GRIK4: variants seen among roughly 807,000 people sequenced by gnomAD.
GRIK4 encodes the protein glutamate receptor ionotropic, kainate 4.
Under a neutral mutation model 104.9 loss-of-function variants are expected in GRIK4, and 40 were observed. The observed-to-expected ratio is 0.38, with a 90% CI of 0.30 to 0.50. The LOEUF is 0.50. Ranked by LOEUF, GRIK4 falls within the 20% of genes least tolerant of loss-of-function variation. The probability of loss-of-function intolerance (pLI) is 0.93; values close to 1 mark genes in which losing one functional copy is unlikely to be tolerated. For synonymous variants in GRIK4, 485 were observed against 524.9 expected, an observed-to-expected ratio of 0.92 and a Z score of 1.04; for missense variants, 1,047 against 1,308.1, an observed-to-expected ratio of 0.80 and a Z score of 3.08.
Position 120,954,823 on chromosome 11 carries a change from ACACACACAAAC to A in GRIK4, c.1700+1860_1700+1870del, listed in dbSNP as rs1288067796. On this transcript the variant is annotated intron_variant, in intron 15 of 20. Transcript: ENST00000527524. ...CACACACACACACACACACACACAC[ACACACACAAAC>A]AATACTGGAGTCTAGGGTATTCTGT... Among the ~76,000 whole-genome samples, 9 of 52,374 alleles carry A rather than the reference ACACACACAAAC, an allele frequency of 1.7e-4. No homozygotes were observed. In the East Asian group the frequency reaches 2.4e-3, roughly 14 times the overall value. 34.4% of individuals were successfully genotyped at this position (52,374 alleles called of 152,430 possible).
intron 12 of GRIK4, among the ~76,000 whole-genome samples, chr11:120,901,702 A>G (rs1281968708): frequency 6.6e-6 from 1 of 152,060 alleles, no homozygotes. Context: ...TGGGAGGGAG[A>G]TGGGGAAGTG....
intron 1 of GRIK4, among the ~76,000 whole-genome samples, chr11:120,582,943 A>C (rs1948608588): frequency 6.6e-6 from 1 of 152,260 alleles, no homozygotes; most frequent in Non-Finnish European, 1.5e-5. Flanking sequence ...ACTGGTTTCC[A>C]CAATGGCTGA....
chr11:120,736,434 G>A (rs1951221658), intron 3 of GRIK4, among the ~76,000 whole-genome samples: 1 of 107,454 alleles, frequency 9.3e-6, no homozygotes, highest in African/African-American at 3.7e-5. Flanking sequence ...ACTTCGACTG[G>A]TGTCTACCTA....
chr11:120,537,059 G>C (rs1947985180), intron 1 of GRIK4, among the ~76,000 whole-genome samples: 3 of 152,170 alleles, frequency 2.0e-5, no homozygotes, highest in African/African-American at 7.2e-5. Flanking sequence ...CAGTTCTTTC[G>C]GAAGAGAGCT....
chr11:120,638,740 G>A (rs1358464497), intron 1 of GRIK4, among the ~76,000 whole-genome samples: 1 of 151,774 alleles, frequency 6.6e-6, no homozygotes, highest in African/African-American at 2.4e-5. Context: ...GCCTCCCAAA[G>A]TGCTGGGATT....
At chr11:120,806,964 G>A (rs1243170541) in intron 4 of GRIK4, among the ~76,000 whole-genome samples, 1 of 152,092 alleles carries the variant, frequency 6.6e-6, no homozygotes, top group Non-Finnish European at 1.5e-5. Context: ...CATATAATGG[G>A]TTTATTTAAA....
At chr11:120,675,102 G>T (rs10892599) in intron 3 of GRIK4, among the ~76,000 whole-genome samples, 23,656 of 152,306 alleles carry the variant, frequency 0.16, 2,000 homozygotes, top group South Asian at 0.23. Flanking sequence ...GAAATAAGTG[G>T]AGTTGGTGGA....
intron 13 of GRIK4, among the ~76,000 whole-genome samples, chr11:120,910,811 C>G (rs1942974609): frequency 6.6e-6 from 1 of 152,174 alleles, no homozygotes; most frequent in Non-Finnish European, 1.5e-5. Flanking sequence ...AGACAGAATA[C>G]TGGAGAAGGG....
At chr11:120,826,798 A>G (rs1057187267) in intron 6 of GRIK4, among the ~76,000 whole-genome samples, 1 of 152,074 alleles carries the variant, frequency 6.6e-6, no homozygotes, top group Non-Finnish European at 1.5e-5. Flanking sequence ...GGATGGGACA[A>G]ATTTGGGATG....
At chr11:120,816,438 C>CA (rs1464984608) in intron 5 of GRIK4, among the ~76,000 whole-genome samples, 1 of 152,174 alleles carries the variant, frequency 6.6e-6, no homozygotes, top group Non-Finnish European at 1.5e-5. Flanking sequence ...GAGGAAGGCT[C>CA]AGTCTCGCTT....
chr11:120,747,276 G>A (rs1951459119), intron 3 of GRIK4, among the ~76,000 whole-genome samples: 1 of 152,136 alleles, frequency 6.6e-6, no homozygotes, highest in Non-Finnish European at 1.5e-5. Context: ...TTAATCCGCT[G>A]GTCTTTAGTT....
At chr11:120,860,679 C>A (rs1386036094) in intron 8 of GRIK4, among the ~76,000 whole-genome samples, 2 of 152,216 alleles carry the variant, frequency 1.3e-5, no homozygotes, top group Non-Finnish European at 2.9e-5. Flanking sequence ...TCATCCATAT[C>A]CTCCATGCCT....
Position 120,713,874 on chromosome 11 carries a change from A to G in GRIK4, c.82+53474A>G, listed in dbSNP as rs567265569. ...CAATTCTCCATTTTACAGAGGGGGA[A>G]ATTGAGTCGAGAGTGGATTTGCTGC... is the stretch of plus-strand genomic sequence containing the variant. On this transcript the variant is annotated intron_variant, in intron 3 of 20. Transcript: ENST00000527524. 6.6e-5 allele frequency among the ~76,000 whole-genome samples: 10 copies of G among 152,306 alleles called. No individual in the cohort carries two copies. In the East Asian group the frequency reaches 1.7e-3, roughly 26 times the overall value.
At chr11:120,904,086 T>G (rs1942810892) in intron 12 of GRIK4, among the ~76,000 whole-genome samples, 1 of 151,682 alleles carries the variant, frequency 6.6e-6, no homozygotes, top group South Asian at 2.1e-4. Context: ...CCCCAGGGCC[T>G]CTTCTTCTTC....
At chr11:120,824,432 C>T (rs1034613302) in intron 6 of GRIK4, among the ~76,000 whole-genome samples, 23 of 152,056 alleles carry the variant, frequency 1.5e-4, no homozygotes, top group African/African-American at 5.1e-4. Context: ...AGCCCTGCCG[C>T]GGATCTACCT....
At chr11:120,771,480 G>T (rs1339764141) in intron 3 of GRIK4, among the ~76,000 whole-genome samples, 1 of 152,214 alleles carries the variant, frequency 6.6e-6, no homozygotes, top group African/African-American at 2.4e-5. Context: ...GCTTATGAGT[G>T]CTTATAGTGA....
chr11:120,512,444 C>G (rs1372535471), intron 1 of GRIK4, among the ~76,000 whole-genome samples: 5 of 152,118 alleles, frequency 3.3e-5, no homozygotes, highest in South Asian at 4.2e-4. Context: ...TCGACTGCCC[C>G]CTGCCCCTGC....
At chr11:120,935,770 T>C (rs1293463085) in intron 13 of GRIK4, among the ~76,000 whole-genome samples, 2 of 152,130 alleles carry the variant, frequency 1.3e-5, no homozygotes, top group Non-Finnish European at 2.9e-5. Context: ...AAGAACCTGC[T>C]TTAAATGTTT....
rs189057411 is a variant in GRIK4 at position 120,747,596 on chromosome 11, C to G, written c.83-55097C>G. ...CTTTAGAAATTACTTTGGAGGTCTT[C>G]AGAACAATACGAGGTGAAGGAGGGA... is the stretch of plus-strand genomic sequence containing the variant. On this transcript the variant is annotated intron_variant, in intron 3 of 20. Transcript: ENST00000527524. 7.1e-4 allele frequency among the ~76,000 whole-genome samples: 108 copies of G among 152,282 alleles called. 1 individual carries two copies. Among genetic ancestry groups the G allele is most frequent in the African/African-American group, 2.4e-3 (100 of 41,554 alleles).
Sources: allele counts gnomAD v4.1 joint callset (sites outside exome capture counted in the v4.1 genomes callset), GRCh38; gene constraint gnomAD v4.1.1; transcripts MANE v1.5; gene names NCBI Gene and HGNC (gene_info 2026-07-23, HGNC 2026-07-21).